FBXO6: variants seen among roughly 807,000 people sequenced by gnomAD.
FBXO6 encodes F-box only protein 6.
A neutral mutation model predicts 25.0 loss-of-function variants in FBXO6; 13 were observed. The ratio of observed to expected loss-of-function variants is 0.52; its 90% CI spans 0.34 to 0.83. The LOEUF is 0.83. Among genes scored for constraint, FBXO6 ranks in the 40% least tolerant of loss-of-function variants. FBXO6 has a pLI of 0.02. For synonymous variants in FBXO6, 138 were observed against 155.3 expected (o/e 0.89, Z 0.83); for missense variants, 370 against 380.2 (o/e 0.97, Z 0.22).
rs201004358 is a variant in FBXO6, at chr1:11,673,577, C to G, written c.646-38C>G. The G allele has an allele frequency of 8.1e-5, 129 of 1,595,846 alleles. No homozygotes were observed. In the African/African-American group the frequency reaches 1.5e-3, roughly 18 times the overall value. On this transcript the variant is annotated intron_variant, in intron 5 of 5. Coordinates refer to ENST00000376753, the MANE Select transcript of FBXO6 (RefSeq NM_018438.6). The surrounding 1 kb of genome is among the most constrained non-coding windows in gnomAD (Gnocchi z 4.3). The stretch of plus-strand genomic sequence containing the variant: ...ACCTGGCTCCTGCCTTCCCCTCCCC[C>G]GTCCCGGTGGTCACTTCCTCTCCCT...
intron 1 of FBXO6, among the ~76,000 whole-genome samples, chr1:11,666,404 C>T (rs1200999305): frequency 8.4e-5 from 12 of 143,698 alleles, no homozygotes; most frequent in South Asian, 4.4e-4. Flanking sequence ...TTTTTTGAGA[C>T]GGTGCCTTGT....
intron 2 of FBXO6, among the ~76,000 whole-genome samples, chr1:11,669,992 G>C (rs1570274428): frequency 6.8e-6 from 1 of 146,024 alleles, no homozygotes; most frequent in Admixed American, 6.7e-5. Context: ...GCGGGCGGAT[G>C]ACGAGGTCAG....
chr1:11,671,222 T>C (rs753149625), intron 2 of FBXO6, 44 bp from the exon 3 acceptor site: 1 of 1,599,254 alleles, frequency 6.3e-7, no homozygotes, highest in East Asian at 2.2e-5. Flanking sequence ...GGCTGGACTT[T>C]GGATTTACAC....
chr1:11,668,568 GGGTT>G (rs1640510629), intron 1 of FBXO6, 84 bp from the exon 2 acceptor site: 1 of 1,512,482 alleles, frequency 6.6e-7, no homozygotes, highest in African/African-American at 1.4e-5. Flanking sequence ...GGCTAATGCA[GGGTT>G]GGAGAGGAGT....
At chr1:11,672,355 T>G (rs1640641779) in intron 4 of FBXO6, among the ~76,000 whole-genome samples, 2 of 152,114 alleles carry the variant, frequency 1.3e-5, no homozygotes, top group African/African-American at 2.4e-5. Flanking sequence ...GGCGTGATCT[T>G]GGCTCACTGC....
chr1:11,673,730 G>A lies in FBXO6; in HGVS notation c.761G>A (p.Ser254Asn). Residue 254 changes from serine (S) to asparagine (N), a missense_variant, in exon 6 of 6, where the codon AGC becomes AAC. Ser to Asn is a conservative substitution (Grantham distance 46, BLOSUM62 1). Transcript: ENST00000376753. The surrounding 1 kb of genome is among the most constrained non-coding windows in gnomAD (Gnocchi z 4.3). ...GWYGPRVTNS[S>N]IVVSPKMTRN... is the part of the protein sequence containing the mutation. ...TATGGGCCCCGAGTCACCAACAGCA[G>A]CATTGTCGTCAGCCCCAAGATGACC... is the stretch of plus-strand genomic sequence containing the variant. 6.2e-7 allele frequency: 1 copy of A among 1,614,112 alleles called. No individual in the cohort carries two copies. The highest frequency in any genetic ancestry group is 8.5e-7 in the Non-Finnish European group (1 of 1,180,026).
chr1:11,671,380 T>C lies in FBXO6; in HGVS notation c.401T>C (p.Val134Ala). Residue 134 changes from valine to alanine, a missense_variant, in exon 3 of 6, where the codon GTC becomes GCC. By Grantham distance (64) the Val-to-Ala change is moderately conservative (BLOSUM62 0). Transcript: ENST00000376753. ...FPDPKVKKYFVTSYEMCLKSQ... is the reference protein window; with the variant it reads ...FPDPKVKKYFATSYEMCLKSQ... ...GACCCCAAAGTCAAGAAGTATTTTG[T>C]CACATCCTACGAGTAAGGCAAACTG... 1 of 1,614,028 alleles carries C rather than the reference T, an allele frequency of 6.2e-7. No individual in the cohort carries two copies. Among genetic ancestry groups the C allele is most frequent in the Non-Finnish European group, 8.5e-7 (1 of 1,179,912 alleles).
Position 11,671,298 on chromosome 1 carries a change from G to T in FBXO6, c.319G>T (p.Gly107Cys). The part of the protein sequence containing the change: ...DMFAWQIDFN[G>C]GDRWKVESLP... ...GTTTGCATGGCAAATTGATTTCAAT[G>T]GTGGGGACCGCTGGAAGGTGGAGAG... The change falls in exon 3 of 6, where the codon GGT becomes TGT. Residue 107 changes from glycine to cysteine, a missense_variant. By Grantham distance (159) the Gly-to-Cys change is radical. Transcript: ENST00000376753. 1 of 1,614,092 alleles carries T rather than the reference G, an allele frequency of 6.2e-7. No individual in the cohort carries two copies. Among genetic ancestry groups the T allele is most frequent in the Non-Finnish European group, 8.5e-7 (1 of 1,179,980 alleles).
chr1:11,671,175 C>G (rs1276192789), intron 2 of FBXO6, 91 bp from the exon 3 acceptor site: 1 of 1,537,020 alleles, frequency 6.5e-7, no homozygotes, highest in East Asian at 2.3e-5. Flanking sequence ...TAACGCCAAC[C>G]ACCCTCCCTC....
At chr1:11,672,988 C>T (rs1305453438) in intron 4 of FBXO6, among the ~76,000 whole-genome samples, 1 of 152,182 alleles carries the variant, frequency 6.6e-6, no homozygotes, top group East Asian at 1.9e-4. Flanking sequence ...CTTGGACAGA[C>T]CAGGCCTCTC....
Position 11,671,968 on chromosome 1 carries a change from G to A in FBXO6, c.454G>A (p.Gly152Ser), listed in dbSNP as rs1640629698. Residue 152 changes from glycine to serine, a missense_variant, in exon 4 of 6, where the codon GGC becomes AGC. Transcript: ENST00000376753. ...KSQLVDLVAE[G>S]YWEELLDTFR... is the part of the protein sequence containing the mutation. The stretch of plus-strand genomic sequence containing the variant: ...CCAGCTGGTGGACCTTGTAGCCGAG[G>A]GCTACTGGGAGGAGCTACTAGACAC... The A allele has an allele frequency of 4.3e-6, 7 of 1,614,190 alleles. No individual in the cohort carries two copies. The highest frequency in any genetic ancestry group is 5.9e-6 in the Non-Finnish European group (7 of 1,180,016).
chr1:11,673,569 C>T lies in FBXO6; in HGVS notation c.646-46C>T, dbSNP rs886390058. On this transcript the variant is annotated intron_variant, in intron 5 of 5. Transcript: ENST00000376753. This position sits in a 1 kb window ranked among gnomAD's most constrained non-coding sequence, Gnocchi z 4.3. ...CTTAGAGGACCTGGCTCCTGCCTTC[C>T]CCTCCCCCGTCCCGGTGGTCACTTC... 6 of 1,589,202 alleles carry T rather than the reference C, an allele frequency of 3.8e-6. No individual in the cohort carries two copies. In the African/African-American group the frequency reaches 8.1e-5, roughly 21 times the overall value.
intron 1 of FBXO6, among the ~76,000 whole-genome samples, chr1:11,665,219 T>C (rs1204923039): frequency 2.3e-5 from 2 of 87,294 alleles, no homozygotes; most frequent in Admixed American, 1.3e-4. Context: ...TAATTTCTTT[T>C]TTTTTTTTTT....
At position 11,673,617 on chromosome 1, in the gene FBXO6, C is replaced by A; in HGVS notation, c.648C>A (p.Val216=). 6.2e-7 allele frequency: 1 copy of A among 1,613,686 alleles called. No homozygotes were observed. Among genetic ancestry groups the A allele is most frequent in the South Asian group, 1.1e-5 (1 of 91,074 alleles). The change falls in exon 6 of 6, where the codon GTC becomes GTA. Residue 216 remains valine, a splice_region_variant and synonymous_variant. Transcript: ENST00000376753. This position sits in a 1 kb window ranked among gnomAD's most constrained non-coding sequence, Gnocchi z 4.3. ...TTCCTCTCCCTTCCTCCCAACAGGT[C>A]TCCTACACCTTCTCAGACTACCCCC... ...QQWNNATWTE[V]SYTFSDYPRG...
At chr1:11,671,006 C>G (rs537245038) in intron 2 of FBXO6, among the ~76,000 whole-genome samples, 3 of 152,150 alleles carry the variant, frequency 2.0e-5, no homozygotes, top group African/African-American at 7.2e-5. Flanking sequence ...TGGAGGGGTG[C>G]TTTGTAGGGG....
chr1:11,667,033 G>A (rs1640457931), intron 1 of FBXO6, among the ~76,000 whole-genome samples: 1 of 152,072 alleles, frequency 6.6e-6, no homozygotes, highest in Non-Finnish European at 1.5e-5. Flanking sequence ...TGTAATCACA[G>A]TTACTTGAGA....
In FBXO6 at chr1:11,673,154, G is replaced by T. The variant is rs939672477; in HGVS notation, c.510-123G>T. The T allele has an allele frequency of 2.4e-6, 3 of 1,265,466 alleles. No individual in the cohort carries two copies. The highest frequency in any genetic ancestry group is 3.2e-6 in the Non-Finnish European group (3 of 936,510). 78.4% of individuals were successfully genotyped at this position (1,265,466 alleles called of 1,614,324 possible). On this transcript the variant is annotated intron_variant, in intron 4 of 5. Transcript: ENST00000376753. The surrounding 1 kb of genome is among the most constrained non-coding windows in gnomAD (Gnocchi z 4.3). ...GCGCTGAAGCCAGCTGGGCCTTGCA[G>T]GCAGAGCAGTGTCAGCTGATGGGAG...
At chr1:11,665,624 G>T (rs1427830169) in intron 1 of FBXO6, among the ~76,000 whole-genome samples, 1 of 126,100 alleles carries the variant, frequency 7.9e-6, no homozygotes, top group South Asian at 2.6e-4. Flanking sequence ...GCAGTGGCAC[G>T]ATCTCGGCTC....
rs1570270969 is a variant in FBXO6 at position 11,668,344 on chromosome 1, A to C, written c.-3-312A>C. Among the ~76,000 whole-genome samples the C allele has an allele frequency of 3.3e-5, 5 of 150,532 alleles. No individual in the cohort carries two copies. In the South Asian group the frequency reaches 1.1e-3, roughly 32 times the overall value. ...TGTGTGTCCCATGACTACTCTTTCC[A>C]CTGAGGGGCTACTGTTTACTGGAAG... On this transcript the variant is annotated intron_variant, in intron 1 of 5. Transcript: ENST00000376753.
Sources: allele counts gnomAD v4.1 joint callset (sites outside exome capture counted in the v4.1 genomes callset), GRCh38; gene constraint gnomAD v4.1.1; non-coding constraint Gnocchi (gnomAD v3.1); transcripts MANE v1.5; gene names NCBI Gene and HGNC (gene_info 2026-07-23, HGNC 2026-07-21).